PYGL: variants seen among roughly 807,000 people sequenced by gnomAD.
PYGL encodes glycogen phosphorylase L.
Under a neutral mutation model 100.1 loss-of-function variants are expected in PYGL, and 90 were observed. The ratio of observed to expected loss-of-function variants is 0.90; its 90% confidence interval spans 0.76 to 1.07. The LOEUF is 1.07. Among genes scored for constraint, PYGL ranks in the 50% least tolerant of loss-of-function variants. The probability of loss-of-function intolerance (pLI) is 0.00; values close to 1 mark genes in which losing one functional copy is unlikely to be tolerated. For missense variants in PYGL, 1,016 were observed against 1,057.6 expected, an observed-to-expected ratio of 0.96 and a Z score of 0.55; for synonymous variants, 373 against 393.0, an observed-to-expected ratio of 0.95 and a Z score of 0.60.
intron 1 of PYGL, 89 bp from the exon 2 acceptor site, chr14:50,937,926 T>A: frequency 1.7e-6 from 2 of 1,188,984 alleles, no homozygotes; most frequent in Non-Finnish European, 2.5e-6. Flanking sequence ...AGGTCACCAA[T>A]AAGAAACAAA....
Position 50,908,896 on chromosome 14 carries a change from A to G in PYGL, c.2237T>C (p.Ile746Thr), listed in dbSNP as rs770033505. ...LPELKLVIDQ[I>T]DNGFFSPKQP... ...CTTGGGAGAAAAAAAGCCATTGTCAATTTGATCAATGACCAGCTTCAGCTC... is the reference window on the plus strand; with the variant it reads ...CTTGGGAGAAAAAAAGCCATTGTCAGTTTGATCAATGACCAGCTTCAGCTC... The change falls in exon 18 of 20, where the codon ATT becomes ACT. Residue 746 changes from isoleucine (I) to threonine (T), a missense_variant. Ile to Thr is a moderately conservative substitution (Grantham distance 89, BLOSUM62 -1). Transcript: ENST00000216392. 1.3e-6 allele frequency: 2 copies of G among 1,509,386 alleles called. No homozygotes were observed. Among genetic ancestry groups the G allele is most frequent in the Non-Finnish European group, 1.8e-6 (2 of 1,110,536 alleles). The allele number at this position is 1,509,386 out of a possible 1,614,324, so 93.5% of individuals were successfully genotyped here.
At chr14:50,931,826 A>G (rs1208305592) in intron 3 of PYGL, 50 bp from the exon 4 acceptor site, 2 of 1,496,950 alleles carry the variant, frequency 1.3e-6, no homozygotes, top group Admixed American at 3.3e-5. Context: ...AGCTGAGCCA[A>G]AATTTCCAGT....
At chr14:50,942,778 G>T (rs1748288615) in intron 1 of PYGL, among the ~76,000 whole-genome samples, 1 of 96,308 alleles carries the variant, frequency 1.0e-5, no homozygotes, top group Non-Finnish European at 2.4e-5. Context: ...CCAAGATGGC[G>T]CCGCTGCACT....
Position 50,916,818 on chromosome 14 carries a change from T to A in PYGL, c.1000-84A>T, listed in dbSNP as rs552731585. On this transcript the variant is annotated intron_variant, in intron 8 of 19. Transcript: ENST00000216392. ...GTCCTAACACATCTGGAGAAAGCAC[T>A]GATATGCCCACCTTCTATGAAAGAC... 2.6e-6 allele frequency: 4 copies of A among 1,543,372 alleles called. No individual in the cohort carries two copies. The African/African-American group carries it at 5.4e-5, about 21-fold the overall frequency.
At chr14:50,938,869 A>G (rs1180389328) in intron 1 of PYGL, among the ~76,000 whole-genome samples, 1 of 152,144 alleles carries the variant, frequency 6.6e-6, no homozygotes, top group Non-Finnish European at 1.5e-5. Flanking sequence ...CATTAATAAA[A>G]TATTTATAGG....
Position 50,913,114 on chromosome 14 carries a change from T to C in PYGL, c.1535A>G (p.Tyr512Cys), listed in dbSNP as rs2050415054. The stretch of plus-strand genomic sequence containing the variant: ...CGTCAGCTGGCTCAGGTCTTTCACA[T>C]AGTCTTCTCCAATTTTCTTTCAATT... Reference protein sequence around the residue: ...ELIAEKIGEDYVKDLSQLTKL... With the variant: ...ELIAEKIGEDCVKDLSQLTKL... The change falls in exon 13 of 20, where the codon TAT (tyrosine) becomes TGT (cysteine). Residue 512 changes from tyrosine (Y) to cysteine (C), a missense_variant. Transcript: ENST00000216392. 6.2e-7 allele frequency: 1 copy of C among 1,613,756 alleles called. No homozygotes were observed. Among genetic ancestry groups the C allele is most frequent in the Non-Finnish European group, 8.5e-7 (1 of 1,179,742 alleles).
At chr14:50,905,583 C>G in intron 19 of PYGL, 27 bp from the exon 20 acceptor site, 1 of 1,610,710 alleles carries the variant, frequency 6.2e-7, no homozygotes, top group South Asian at 1.1e-5. Flanking sequence ...CATATACAGC[C>G]CAGAGTCCCA....
chr14:50,913,896 G>C (rs1044144476), intron 12 of PYGL, among the ~76,000 whole-genome samples: 7 of 151,886 alleles, frequency 4.6e-5, no homozygotes, highest in Non-Finnish European at 1.0e-4. Context: ...TGGTGGGGGT[G>C]GGTCTCATGT....
chr14:50,942,001 T>A (rs1330086368), intron 1 of PYGL, among the ~76,000 whole-genome samples: 1 of 152,210 alleles, frequency 6.6e-6, no homozygotes, highest in Non-Finnish European at 1.5e-5. Flanking sequence ...CTCAGAAATG[T>A]ACGCATAGAG....
In PYGL at chr14:50,929,199, G is replaced by A. The variant is rs140278737; in HGVS notation, c.528+2474C>T. ...CAAGTAGCTGGGATTACATGCACGCGCCACTATCTCCTGGCCAATTTTTGT... is the reference window on the plus strand; with the variant it reads ...CAAGTAGCTGGGATTACATGCACGCACCACTATCTCCTGGCCAATTTTTGT... On this transcript the variant is annotated intron_variant, in intron 4 of 19. Coordinates refer to ENST00000216392, the MANE Select transcript of PYGL (RefSeq NM_002863.5). Among the ~76,000 whole-genome samples, 331 of 151,996 alleles carry A rather than the reference G, an allele frequency of 2.2e-3. 2 individuals carry two copies. The highest frequency in any genetic ancestry group is 7.3e-3 in the African/African-American group (302 of 41,466).
At chr14:50,909,517 G>A (rs573272810) in intron 17 of PYGL, among the ~76,000 whole-genome samples, 2 of 152,254 alleles carry the variant, frequency 1.3e-5, no homozygotes, top group South Asian at 4.2e-4. Flanking sequence ...ACATTTTAGT[G>A]CATTTCTTTG....
intron 2 of PYGL, among the ~76,000 whole-genome samples, chr14:50,936,837 A>T (rs2050657883): frequency 6.6e-6 from 1 of 152,074 alleles, no homozygotes; most frequent in African/African-American, 2.4e-5. Flanking sequence ...GTAGACATGG[A>T]TCACATCACC....
chr14:50,940,626 C>A (rs2050694802), intron 1 of PYGL, among the ~76,000 whole-genome samples: 1 of 152,168 alleles, frequency 6.6e-6, no homozygotes, highest in African/African-American at 2.4e-5. Flanking sequence ...AGATCTTGGC[C>A]ATACTCTTAC....
intron 7 of PYGL, among the ~76,000 whole-genome samples, chr14:50,918,917 C>T (rs186383128): frequency 6.6e-6 from 1 of 152,284 alleles, no homozygotes; most frequent in Admixed American, 6.5e-5. Context: ...GCTCTGAACT[C>T]CCTAATACTT....
In PYGL at chr14:50,944,178, A is replaced by G; in HGVS notation, c.226T>C (p.Tyr76His). ...GRWIRTQQHYYDKCPKRVYYL... is the reference protein window; with the variant it reads ...GRWIRTQQHYHDKCPKRVYYL... ...CCGGTTACCTTGGGGCACTTGTCGT[A>G]GTAGTGCTGCTGCGTGCGGATCCAG... The change falls in exon 1 of 20, where the codon TAC (tyrosine) becomes CAC (histidine). Residue 76 changes from tyrosine (Y) to histidine (H), a missense_variant. Coordinates refer to ENST00000216392, the MANE Select transcript of PYGL (RefSeq NM_002863.5). 6.2e-7 allele frequency: 1 copy of G among 1,607,864 alleles called. No homozygotes were observed. The highest frequency in any genetic ancestry group is 1.3e-5 in the African/African-American group (1 of 74,988).
intron 4 of PYGL, among the ~76,000 whole-genome samples, chr14:50,927,668 C>G (rs1236067040): frequency 6.6e-6 from 1 of 152,168 alleles, no homozygotes; most frequent in South Asian, 2.1e-4. Flanking sequence ...GCTTGCTGTT[C>G]TTTATTGTGA....
chr14:50,934,934 G>C (rs2050639914), intron 3 of PYGL, among the ~76,000 whole-genome samples, 173 bp downstream of exon 3: 1 of 152,110 alleles, frequency 6.6e-6, no homozygotes, highest in African/African-American at 2.4e-5. Context: ...TCTACTATTT[G>C]TCTAGAATTG....
At chr14:50,941,026 A>G (rs939645365) in intron 1 of PYGL, among the ~76,000 whole-genome samples, 2 of 152,192 alleles carry the variant, frequency 1.3e-5, no homozygotes, top group Admixed American at 6.5e-5. Flanking sequence ...ATGGAAGATA[A>G]CAAGGGAAGA....
At chr14:50,937,893 A>AT (rs1281533510) in intron 1 of PYGL, 56 bp from the exon 2 acceptor site, 2 of 1,453,720 alleles carry the variant, frequency 1.4e-6, no homozygotes, top group Non-Finnish European at 1.9e-6. Context: ...CTCACTTAAC[A>AT]TAAAAACACA....
Sources: allele counts gnomAD v4.1 joint callset (sites outside exome capture counted in the v4.1 genomes callset), GRCh38; gene constraint gnomAD v4.1.1; transcripts MANE v1.5; gene names NCBI Gene and HGNC (gene_info 2026-07-23, HGNC 2026-07-21).